Variants in ARIH2 observed in about 807,000 individuals in gnomAD.
The protein encoded by ARIH2 is E3 ubiquitin-protein ligase ARIH2.
Under a neutral mutation model 79.8 loss-of-function variants are expected in ARIH2, and 12 were observed. That is an observed-to-expected ratio of 0.15 (90% confidence interval 0.10 to 0.24). The LOEUF is 0.24. Among genes scored for constraint, ARIH2 ranks in the 10% least tolerant of loss-of-function variants. The pLI is 1.00. For missense variants in ARIH2, 301 were observed against 618.3 expected (o/e 0.49, Z 5.44); for synonymous variants, 224 against 213.9 (o/e 1.05, Z -0.41).
At chr3:48,941,467 A>G (rs1037193793) in intron 3 of ARIH2, among the ~76,000 whole-genome samples, 2 of 152,232 alleles carry the variant, frequency 1.3e-5, no homozygotes, top group Non-Finnish European at 2.9e-5. Context: ...AAATGACTGG[A>G]AAAGATTTCT....
chr3:48,976,721 C>G (rs1289448290), intron 11 of ARIH2, among the ~76,000 whole-genome samples: 1 of 152,162 alleles, frequency 6.6e-6, no homozygotes, highest in Non-Finnish European at 1.5e-5. Context: ...AGAATAATGA[C>G]AAACATCCCA....
intron 12 of ARIH2, 128 bp downstream of exon 12, chr3:48,979,761 C>A: frequency 1.0e-6 from 1 of 1,001,408 alleles, no homozygotes; most frequent in Non-Finnish European, 1.5e-6. Flanking sequence ...GGAGCTCCTG[C>A]AGTATCCCTG....
intron 3 of ARIH2, among the ~76,000 whole-genome samples, chr3:48,946,472 A>G (rs1261665986): frequency 1.3e-5 from 2 of 151,288 alleles, no homozygotes; most frequent in African/African-American, 2.4e-5. Flanking sequence ...AAAACAGACT[A>G]TAGAGGATGA....
intron 3 of ARIH2, among the ~76,000 whole-genome samples, chr3:48,943,904 T>C (rs1272060343): frequency 6.6e-6 from 1 of 152,212 alleles, no homozygotes; most frequent in African/African-American, 2.4e-5. Context: ...CATAGCATTG[T>C]TTCAAATAAC....
chr3:48,934,818 C>CA, intron 3 of ARIH2: 1 of 985,380 alleles, frequency 1.0e-6, no homozygotes. Flanking sequence ...TGATACCATA[C>CA]AAAACATGCT....
intron 3 of ARIH2, among the ~76,000 whole-genome samples, chr3:48,930,392 A>G (rs533936710): frequency 3.9e-5 from 6 of 152,276 alleles, no homozygotes; most frequent in African/African-American, 1.4e-4. Flanking sequence ...CTGAGGTGGG[A>G]GGATCACTTG....
intron 11 of ARIH2, among the ~76,000 whole-genome samples, chr3:48,976,230 A>G (rs1364857653): frequency 7.0e-6 from 1 of 142,270 alleles, no homozygotes; most frequent in African/African-American, 2.6e-5. Context: ...TTTTTTTTCC[A>G]AAGATGGAGT....
At chr3:48,973,065 A>C (rs2092324156) in intron 8 of ARIH2, among the ~76,000 whole-genome samples, 1 of 152,246 alleles carries the variant, frequency 6.6e-6, no homozygotes. Context: ...CAAAGGCTTA[A>C]GTTGAAGAGA....
Position 48,927,422 on chromosome 3 carries a change from T to C in ARIH2, c.-97-40T>C, listed in dbSNP as rs1463867645. ...GAATGGTTTCTGTTACAACTTGTCA[T>C]GGGGAAAAAGTAACACTTATTTTTT... is the stretch of plus-strand genomic sequence containing the variant. On this transcript the variant is annotated intron_variant, in intron 2 of 15. Coordinates refer to ENST00000356401, the MANE Select transcript of ARIH2 (RefSeq NM_006321.4). 1.8e-5 allele frequency: 20 copies of C among 1,088,918 alleles called. No individual in the cohort carries two copies. The East Asian group carries it at 5.0e-4, about 27-fold the overall frequency. The allele number at this position is 1,088,918 out of a possible 1,614,324, so 67.5% of individuals were successfully genotyped here.
intron 5 of ARIH2, among the ~76,000 whole-genome samples, chr3:48,965,484 T>C (rs1034767831): frequency 6.6e-6 from 1 of 152,216 alleles, no homozygotes; most frequent in African/African-American, 2.4e-5. Context: ...ACTAAGTCAT[T>C]GCCTGTCCTT....
At chr3:48,978,415 TTGTGTA>T (rs756236270) in intron 11 of ARIH2, among the ~76,000 whole-genome samples, 17,219 of 90,076 alleles carry the variant, frequency 0.19, 1,706 homozygotes, top group South Asian at 0.26. Context: ...CCTGGCTAAT[TTGTGTA>T]TGTGTGTGTG....
intron 3 of ARIH2, among the ~76,000 whole-genome samples, chr3:48,950,842 C>A (rs1055871909): frequency 1.3e-5 from 2 of 151,738 alleles, no homozygotes; most frequent in Non-Finnish European, 2.9e-5. Context: ...TTAAAATTCA[C>A]CCACTTAATT....
At chr3:48,946,403 G>A (rs566738495) in intron 3 of ARIH2, among the ~76,000 whole-genome samples, 2 of 151,416 alleles carry the variant, frequency 1.3e-5, no homozygotes, top group South Asian at 2.1e-4. Context: ...TTTTCCAAAG[G>A]TCATGAGCAA....
intron 9 of ARIH2, among the ~76,000 whole-genome samples, chr3:48,974,301 CATT>C (rs749619477): frequency 4.6e-5 from 7 of 152,208 alleles, no homozygotes; most frequent in Non-Finnish European, 8.8e-5. Context: ...ACGATAACGA[CATT>C]ATTAAACATA....
At chr3:48,941,320 A>C (rs1323320144) in intron 3 of ARIH2, among the ~76,000 whole-genome samples, 1 of 152,210 alleles carries the variant, frequency 6.6e-6, no homozygotes, top group Non-Finnish European at 1.5e-5. Context: ...CTGATGGAGG[A>C]ACTAAAAATA....
intron 13 of ARIH2, 111 bp downstream of exon 13, chr3:48,980,607 A>G: frequency 7.9e-7 from 1 of 1,261,956 alleles, no homozygotes; most frequent in Non-Finnish European, 1.1e-6. Flanking sequence ...CACCCTGTGC[A>G]GCCTTTCATG....
Position 48,920,848 on chromosome 3 carries a change from G to T in ARIH2, c.-162+1850G>T, listed in dbSNP as rs1403642603. ...TGGTGGCGGGCGCCTGTAATCCAGT[G>T]AGCCGAGATCGCGCCACTGCACTCC... On this transcript the variant is annotated intron_variant, in intron 1 of 15. Transcript: ENST00000356401. Among the ~76,000 whole-genome samples, 9 of 61,262 alleles carry T rather than the reference G, an allele frequency of 1.5e-4. 3 individuals are homozygous for T. Among genetic ancestry groups the T allele is most frequent in the African/African-American group, 4.6e-4 (9 of 19,432 alleles). The allele number at this position is 61,262 out of a possible 152,430, so 40.2% of individuals were successfully genotyped here.
intron 1 of ARIH2, among the ~76,000 whole-genome samples, chr3:48,919,882 T>G (rs1017427036): frequency 6.6e-6 from 1 of 152,028 alleles, no homozygotes. Flanking sequence ...GTCTTCAGAC[T>G]CACTAAAACT....
intron 11 of ARIH2, among the ~76,000 whole-genome samples, chr3:48,976,776 A>G (rs1263116679): frequency 6.6e-6 from 1 of 152,148 alleles, no homozygotes; most frequent in African/African-American, 2.4e-5. Context: ...CTGGGTGTCC[A>G]TATCCCTTGA....
Sources: gnomAD v4.1 joint callset for allele counts (sites outside exome capture counted in the v4.1 genomes callset) on GRCh38, gnomAD v4.1.1 for gene constraint, MANE v1.5 for transcripts, NCBI Gene and HGNC (gene_info 2026-07-23, HGNC 2026-07-21) for gene names.